Variants in DOCK1 observed in about 807,000 individuals in gnomAD.
DOCK1 encodes dedicator of cytokinesis 1, also known as dedicator of cytokinesis protein 1.
A neutral mutation model predicts 262.7 loss-of-function variants in DOCK1; 138 were observed. The ratio of observed to expected loss-of-function variants is 0.53; its 90% CI spans 0.46 to 0.61. The LOEUF (loss-of-function observed/expected upper bound fraction) is 0.61. Among genes scored for constraint, DOCK1 ranks in the 20% least tolerant of loss-of-function variants. DOCK1 has a pLI of 0.00. For synonymous variants in DOCK1, 866 were observed against 867.4 expected, an observed-to-expected ratio of 1.00 and a Z score of 0.03; for missense variants, 1,908 against 2,370.7, an observed-to-expected ratio of 0.80 and a Z score of 4.05.
At chr10:127,203,087 AG>A (rs1372212223) in intron 27 of DOCK1, among the ~76,000 whole-genome samples, 1 of 152,230 alleles carries the variant, frequency 6.6e-6, no homozygotes, top group Non-Finnish European at 1.5e-5. Context: ...GCATTTCGAT[AG>A]CACTCTAAGC....
At chr10:127,173,746 C>T (rs1374061505) in intron 27 of DOCK1, among the ~76,000 whole-genome samples, 2 of 152,140 alleles carry the variant, frequency 1.3e-5, no homozygotes. Context: ...CTCCCCCACC[C>T]CACGCCTGAT....
At chr10:127,088,758 A>G (rs1481756005) in intron 23 of DOCK1, among the ~76,000 whole-genome samples, 1 of 152,050 alleles carries the variant, frequency 6.6e-6, no homozygotes, top group Non-Finnish European at 1.5e-5. Flanking sequence ...CCTGAAAGGG[A>G]CTTAGAATCC....
rs762210154 is a variant in DOCK1 at position 127,403,077 on chromosome 10, T to G, written c.3950T>G (p.Leu1317Trp). 184 of 1,612,698 alleles carry G rather than the reference T, an allele frequency of 1.1e-4. No individual in the cohort carries two copies. Among genetic ancestry groups the G allele is most frequent in the Non-Finnish European group, 1.5e-4 (176 of 1,179,506 alleles). Residue 1317 changes from leucine (L) to tryptophan (W), a missense_variant, in exon 39 of 52, where the codon TTG (leucine) becomes TGG (tryptophan). Physicochemically the swap from Leu to Trp is moderately conservative, Grantham distance 61. Transcript: ENST00000623213. ...KGKMWEEAIA[L>W]GKELAEQYEN... ...CAGATGTGGGAGGAGGCCATTGCCT[T>G]GGGCAAGGAGCTAGCCGAGCAGTAT...
chr10:126,941,263 C>G (rs2034957167), intron 1 of DOCK1, among the ~76,000 whole-genome samples: 1 of 152,092 alleles, frequency 6.6e-6, no homozygotes, highest in Non-Finnish European at 1.5e-5. Flanking sequence ...TGGGATGTAT[C>G]CTGTGGTTAT....
At position 127,451,413 on chromosome 10, in the gene DOCK1, G is replaced by A. The variant is rs199537179; in HGVS notation, c.5647G>A (p.Gly1883Arg). The change falls in exon 52 of 52, where the codon GGG becomes AGG. Residue 1883 changes from glycine to arginine, a missense_variant. This residue lies in a region of DOCK1 where 383 missense variants were observed against 420.1 expected (regional missense o/e 0.91). Coordinates refer to ENST00000623213, the MANE Select transcript of DOCK1 (RefSeq NM_001290223.2). ...TCGCAAGCAGGCATCGGTGGACTCC[G>A]GGATCGTGCAGTGACGTCGCAAGCC... Reference protein sequence around the residue: ...TTRKQASVDSGIVQ With the variant: ...TTRKQASVDSRIVQ 24 of 1,582,036 alleles carry A rather than the reference G, an allele frequency of 1.5e-5. No homozygotes were observed. The highest frequency in any genetic ancestry group is 3.6e-5 in the Admixed American group (2 of 55,652).
chr10:127,346,816 A>G (rs2063655146), intron 31 of DOCK1, among the ~76,000 whole-genome samples: 1 of 152,108 alleles, frequency 6.6e-6, no homozygotes, highest in African/African-American at 2.4e-5. Context: ...GAGACTCTGG[A>G]TTTCCCCCAG....
intron 1 of DOCK1, among the ~76,000 whole-genome samples, chr10:126,960,081 C>T (rs1021297857): frequency 3.3e-5 from 5 of 152,240 alleles, no homozygotes; most frequent in South Asian, 2.1e-4. Context: ...CACGAGCCAC[C>T]GCATTTATTT....
At chr10:127,105,827 A>G (rs1234749424) in intron 23 of DOCK1, among the ~76,000 whole-genome samples, 1 of 152,126 alleles carries the variant, frequency 6.6e-6, no homozygotes. Flanking sequence ...TGCTGTGAAC[A>G]CGGCTCACTG....
intron 29 of DOCK1, among the ~76,000 whole-genome samples, chr10:127,311,143 G>C (rs1020411056): frequency 6.6e-6 from 1 of 152,176 alleles, no homozygotes; most frequent in African/African-American, 2.4e-5. Flanking sequence ...TTCCAATCCA[G>C]AAGGTCTGGG....
At chr10:127,036,007 T>TAAATAAATAAAA (rs2043573900) in intron 18 of DOCK1, among the ~76,000 whole-genome samples, 1 of 121,120 alleles carries the variant, frequency 8.3e-6, no homozygotes, top group African/African-American at 3.1e-5. Context: ...GTCTCAAAAA[T>TAAATAAATAAAA]AAATAAATAA....
At chr10:127,150,853 A>T (rs1368611853) in intron 27 of DOCK1, among the ~76,000 whole-genome samples, 1 of 152,190 alleles carries the variant, frequency 6.6e-6, no homozygotes, top group Non-Finnish European at 1.5e-5. Flanking sequence ...CACTTTAAAG[A>T]CAGGAAAATT....
chr10:127,135,265 C>G (rs779250506), intron 27 of DOCK1, among the ~76,000 whole-genome samples: 7 of 152,312 alleles, frequency 4.6e-5, no homozygotes, highest in Non-Finnish European at 8.8e-5. Flanking sequence ...GCCAGGCCAG[C>G]TCTGGCTGGT....
intron 40 of DOCK1, among the ~76,000 whole-genome samples, chr10:127,405,438 T>C (rs1045411983): frequency 7.2e-6 from 1 of 139,494 alleles, no homozygotes; most frequent in African/African-American, 2.7e-5. Context: ...ATATTTCTTA[T>C]GACTTTTTTT....
intron 24 of DOCK1, among the ~76,000 whole-genome samples, chr10:127,108,602 A>G (rs1459338829): frequency 2.0e-5 from 3 of 152,116 alleles, no homozygotes; most frequent in African/African-American, 7.2e-5. Context: ...AAAAAAAAGA[A>G]AAGTCACCAT....
intron 1 of DOCK1, among the ~76,000 whole-genome samples, chr10:126,941,996 C>T (rs906892569): frequency 2.0e-5 from 3 of 151,956 alleles, no homozygotes; most frequent in Admixed American, 6.6e-5. Context: ...AAGAGGGTGT[C>T]GGATGTGTGT....
chr10:127,120,772 C>T (rs145869371), intron 25 of DOCK1, among the ~76,000 whole-genome samples: 126 of 152,296 alleles, frequency 8.3e-4, no homozygotes, highest in African/African-American at 2.9e-3. Context: ...TCCTCCATGG[C>T]ACTAATTAGA....
intron 1 of DOCK1, among the ~76,000 whole-genome samples, chr10:126,939,057 C>CG (rs1158747549): frequency 1.5e-3 from 93 of 60,166 alleles, no homozygotes; most frequent in Middle Eastern, 0.028. Context: ...GGATGAACAC[C>CG]GGGGGGGGGA....
intron 35 of DOCK1, among the ~76,000 whole-genome samples, chr10:127,377,523 C>T (rs374191288): frequency 6.6e-6 from 1 of 152,162 alleles, no homozygotes; most frequent in Non-Finnish European, 1.5e-5. Flanking sequence ...GAACCAGCTT[C>T]GTGGTTTCTT....
At chr10:127,428,800 G>A (rs1727617882) in intron 47 of DOCK1, among the ~76,000 whole-genome samples, 1 of 145,284 alleles carries the variant, frequency 6.9e-6, no homozygotes, top group South Asian at 2.3e-4. Flanking sequence ...TGTGTCATGT[G>A]GATTGGGGTG....
Sources: gnomAD v4.1 joint callset for allele counts (sites outside exome capture counted in the v4.1 genomes callset) on GRCh38, gnomAD v4.1.1 for gene constraint, gnomAD v4.1.1 regional missense constraint, MANE v1.5 for transcripts, NCBI Gene and HGNC (gene_info 2026-07-23, HGNC 2026-07-21) for gene names.